The following LCOR variants were observed in gnomAD, a reference collection of about 807,000 sequenced individuals.
LCOR encodes ligand-dependent corepressor.
Under a neutral mutation model 64.4 loss-of-function variants are expected in LCOR, and 14 were observed. The ratio of observed to expected loss-of-function variants is 0.22; its 90% CI spans 0.14 to 0.34. The LOEUF (loss-of-function observed/expected upper bound fraction) is 0.34. LCOR is among the 10% of genes least tolerant of loss of function. The pLI is 1.00. For synonymous variants in LCOR, 643 were observed against 642.5 expected (o/e 1.00, Z -0.01); for missense variants, 1,686 against 1,765.3 (o/e 0.96, Z 0.80).
intron 4 of LCOR, among the ~76,000 whole-genome samples, chr10:96,919,731 T>C (rs145192609): frequency 1.3e-5 from 2 of 152,340 alleles, no homozygotes; most frequent in East Asian, 3.8e-4. Context: ...ATTCCAGATA[T>C]ATAAGTAGAA....
intron 7 of LCOR, among the ~76,000 whole-genome samples, chr10:96,978,460 C>T (rs1776930322): frequency 6.6e-6 from 1 of 152,152 alleles, no homozygotes; most frequent in African/African-American, 2.4e-5. Context: ...ATTTTGTCCC[C>T]ATCGCCAGTA....
At chr10:96,897,695 TTTTTG>T (rs1480601032) in intron 2 of LCOR, among the ~76,000 whole-genome samples, 1 of 152,192 alleles carries the variant, frequency 6.6e-6, no homozygotes, top group African/African-American at 2.4e-5. Flanking sequence ...GACTTTATCT[TTTTTG>T]TTTTATTTCT....
rs1275880896 is a variant in LCOR at position 96,949,393 on chromosome 10, T to C, written c.238+98T>C. 16 of 1,080,970 alleles carry C rather than the reference T, an allele frequency of 1.5e-5. No homozygotes were observed. In the East Asian group the frequency reaches 3.8e-4, roughly 26 times the overall value. 67.0% of individuals were successfully genotyped at this position (1,080,970 alleles called of 1,614,324 possible). A position where few individuals can be genotyped will look rare whatever the true frequency, so the allele number is the denominator to read the frequency against. On this transcript the variant is annotated intron_variant, in intron 6 of 7. Transcript: ENST00000421806. The stretch of plus-strand genomic sequence containing the variant: ...GCAAGTAGAGCATCAGCAGCAATAA[T>C]AGCATAAAAACTAATGTGATTCTTA...
At position 96,955,115 on chromosome 10, in the gene LCOR, C is replaced by T. The variant is rs780761388; in HGVS notation, c.332+2919C>T. 3.7e-6 allele frequency: 6 copies of T among 1,614,164 alleles called. No individual in the cohort carries two copies. In the South Asian group the frequency reaches 5.5e-5, roughly 15 times the overall value. ...TGCAGATTAGTGAAGAACTACTGAG[C>T]AGAAACCAATTGTCCACAGCTGCCA... On this transcript the variant is annotated intron_variant, in intron 7 of 7. Coordinates refer to ENST00000421806, the MANE Select transcript of LCOR (RefSeq NM_001346516.2).
At chr10:96,855,359 A>G (rs1194069833) in intron 2 of LCOR, among the ~76,000 whole-genome samples, 1 of 152,154 alleles carries the variant, frequency 6.6e-6, no homozygotes, top group East Asian at 1.9e-4. Context: ...TTTTTGCTCA[A>G]GCCCATTTAA....
chr10:96,893,805 T>A (rs1388824666), intron 2 of LCOR, among the ~76,000 whole-genome samples: 2 of 152,034 alleles, frequency 1.3e-5, no homozygotes, highest in Non-Finnish European at 2.9e-5. Flanking sequence ...ATAGAGCTTT[T>A]AAAAGAGAAT....
At chr10:96,862,319 G>T (rs1042276430) in intron 2 of LCOR, among the ~76,000 whole-genome samples, 4 of 152,088 alleles carry the variant, frequency 2.6e-5, no homozygotes, top group African/African-American at 9.7e-5. Flanking sequence ...TGTTGCCCAG[G>T]CTGGAGTGCT....
Position 96,984,068 on chromosome 10 carries a change from A to G in LCOR, c.3608A>G (p.Asn1203Ser), listed in dbSNP as rs749146230. 8.1e-6 allele frequency: 13 copies of G among 1,613,940 alleles called. No homozygotes were observed. In the Admixed American group the frequency reaches 2.0e-4, roughly 25 times the overall value. Residue 1203 changes from asparagine (N) to serine (S), a missense_variant, in exon 8 of 8, where the codon AAT (asparagine) becomes AGT (serine). By Grantham distance (46) the Asn-to-Ser change is conservative. Around this residue, in one of 3 missense-constraint regions of LCOR, gnomAD observed 1,293 missense variants for 1,410.4 expected, o/e 0.92. Transcript: ENST00000421806. The part of the protein sequence containing the change: ...TRSLVIVKKL[N>S]TRLPGDVPPV... ...TCTCTAGTCATTGTGAAGAAGCTCA[A>G]TACTCGCCTTCCAGGAGACGTTCCC...
chr10:96,989,044 T>C lies in LCOR; in HGVS notation c.*3910T>C. On this transcript the variant is annotated 3_prime_UTR_variant, in exon 8 of 8. Coordinates refer to ENST00000421806, the MANE Select transcript of LCOR (RefSeq NM_001346516.2). Reference sequence around the variant, plus strand: ...AATATTCTTGATTTTCCTTCTCTCTTCTGCCCTTTTCTCTCTGTTCTTCTT... The same window carrying C: ...AATATTCTTGATTTTCCTTCTCTCTCCTGCCCTTTTCTCTCTGTTCTTCTT... The C allele has an allele frequency of 6.6e-6, 1 of 152,246 alleles. No individual in the cohort carries two copies. The highest frequency in any genetic ancestry group is 1.9e-4 in the East Asian group (1 of 5,204). The allele number at this position is 152,246 out of a possible 1,614,324, so 9.4% of individuals were successfully genotyped here.
At chr10:96,841,589 G>C (rs998986087) in intron 2 of LCOR, among the ~76,000 whole-genome samples, 3 of 151,984 alleles carry the variant, frequency 2.0e-5, no homozygotes, top group Non-Finnish European at 4.4e-5. Flanking sequence ...TCGAACTCCT[G>C]ACCTCAAGTG....
rs367971002 is a variant in LCOR at position 96,984,048 on chromosome 10, A to G, written c.3588A>G (p.Leu1196=). ...TAGAGACAACTGAAACCCGGTCTCT[A>G]GTCATTGTGAAGAAGCTCAATACTC... ...WFLETTETRS[L]VIVKKLNTRL... Residue 1196 remains leucine (L), a synonymous_variant, in exon 8 of 8, where the codon CTA becomes CTG. Transcript: ENST00000421806. The G allele has an allele frequency of 6.2e-7, 1 of 1,614,024 alleles. No individual in the cohort carries two copies. The highest frequency in any genetic ancestry group is 8.5e-7 in the Non-Finnish European group (1 of 1,179,968).
intron 2 of LCOR, among the ~76,000 whole-genome samples, chr10:96,843,289 T>C (rs1352427348): frequency 6.6e-6 from 1 of 152,042 alleles, no homozygotes; most frequent in African/African-American, 2.4e-5. Flanking sequence ...CATGCCTGGC[T>C]AGTTTTTGTT....
Position 96,949,122 on chromosome 10 carries a change from C to G in LCOR, c.65C>G (p.Pro22Arg). The change falls in exon 6 of 8, where the codon CCC becomes CGC. Residue 22 changes from proline to arginine, a missense_variant. By Grantham distance (103) the Pro-to-Arg change is moderately radical (BLOSUM62 -2). Coordinates refer to ENST00000421806, the MANE Select transcript of LCOR (RefSeq NM_001346516.2). ...YTSKNSSTQD[P>R]SQPNSTKNQS... Reference sequence around the variant, plus strand: ...TCAAAAAATAGCTCTACTCAGGACCCCAGCCAGCCCAATAGCACAAAGAAC... The same window carrying G: ...TCAAAAAATAGCTCTACTCAGGACCGCAGCCAGCCCAATAGCACAAAGAAC... 1 of 1,614,004 alleles carries G rather than the reference C, an allele frequency of 6.2e-7. No individual in the cohort carries two copies. The highest frequency in any genetic ancestry group is 8.5e-7 in the Non-Finnish European group (1 of 1,179,978).
In LCOR at chr10:96,887,562, C is replaced by CA. The variant is rs879306494; in HGVS notation, c.-329-19689dup. On this transcript the variant is annotated intron_variant, in intron 2 of 7. Coordinates refer to ENST00000421806, the MANE Select transcript of LCOR (RefSeq NM_001346516.2). ...TGGGCAACAGAGTGAGACTCCGTCT[C>CA]AAAAAAAAAAAAAATACTACTTAAT... Among the ~76,000 whole-genome samples, 513 of 110,254 alleles carry CA rather than the reference C, an allele frequency of 4.7e-3. 2 individuals carry two copies. The highest frequency in any genetic ancestry group is 0.02 in the Middle Eastern group (4 of 198). The allele number at this position is 110,254 out of a possible 152,430, so 72.3% of individuals were successfully genotyped here.
intron 2 of LCOR, among the ~76,000 whole-genome samples, chr10:96,861,636 C>G (rs897162972): frequency 6.6e-6 from 1 of 152,076 alleles, no homozygotes; most frequent in Non-Finnish European, 1.5e-5. Flanking sequence ...TCCTCCACCT[C>G]CTGGGTTCAA....
Position 96,994,089 on chromosome 10 carries a change from G to C in LCOR, c.*8955G>C, listed in dbSNP as rs1371194287. 3 of 152,142 alleles carry C rather than the reference G, an allele frequency of 2.0e-5. No individual in the cohort carries two copies. Among genetic ancestry groups the C allele is most frequent in the Non-Finnish European group, 4.4e-5 (3 of 68,024 alleles). The allele number at this position is 152,142 out of a possible 1,614,324, so 9.4% of individuals were successfully genotyped here. A position where few individuals can be genotyped will look rare whatever the true frequency, so the allele number is the denominator to read the frequency against. On this transcript the variant is annotated 3_prime_UTR_variant, in exon 8 of 8. Transcript: ENST00000421806. ...CAGACACATCAAAATTGGGCACATA[G>C]ATGGAAAATTTTGCAATTTTTCATG...
At chr10:96,900,162 A>C (rs1042870243) in intron 2 of LCOR, among the ~76,000 whole-genome samples, 7 of 152,116 alleles carry the variant, frequency 4.6e-5, no homozygotes, top group African/African-American at 1.7e-4. Context: ...ATTTTATATC[A>C]ATGGACTCAT....
chr10:96,921,622 T>A (rs1216790276), intron 4 of LCOR, among the ~76,000 whole-genome samples: 1 of 152,140 alleles, frequency 6.6e-6, no homozygotes, highest in East Asian at 1.9e-4. Flanking sequence ...CCATCACACC[T>A]GGCTAATTTT....
At chr10:96,900,906 T>C (rs1391566486) in intron 2 of LCOR, among the ~76,000 whole-genome samples, 1 of 146,374 alleles carries the variant, frequency 6.8e-6, no homozygotes, top group South Asian at 2.2e-4. Context: ...AGAGATGGGG[T>C]CGGCCGGGCG....
Sources: allele counts gnomAD v4.1 joint callset (sites outside exome capture counted in the v4.1 genomes callset), GRCh38; gene constraint gnomAD v4.1.1; regional missense constraint gnomAD v4.1.1; transcripts MANE v1.5; gene names NCBI Gene and HGNC (gene_info 2026-07-23, HGNC 2026-07-21).